Variants in DNAH9 observed in about 807,000 individuals in gnomAD.
DNAH9 encodes the protein DNAH9 variant protein.
DNAH9 carries 345 observed loss-of-function variants against 471.6 expected under a neutral mutation model. That is an observed-to-expected ratio of 0.73 (90% CI 0.67 to 0.80). The LOEUF is 0.80. Ranked by LOEUF, DNAH9 falls within the 30% of genes least tolerant of loss-of-function variation. DNAH9 has a pLI of 0.00. For missense variants in DNAH9, 5,407 were observed against 5,609.2 expected, an observed-to-expected ratio of 0.96 and a Z score of 1.15; for synonymous variants, 2,093 against 2,123.6, an observed-to-expected ratio of 0.99 and a Z score of 0.40.
chr17:11,883,851 A>G, intron 56 of DNAH9, 101 bp downstream of exon 56: 1 of 1,301,774 alleles, frequency 7.7e-7, no homozygotes, highest in Non-Finnish European at 1.0e-6. Context: ...GAAAAATGTC[A>G]AAGTAACACA....
chr17:11,880,343 C>T, intron 54 of DNAH9, 143 bp downstream of exon 54: 1 of 1,096,162 alleles, frequency 9.1e-7, no homozygotes, highest in Non-Finnish European at 1.3e-6. Flanking sequence ...ACCTTTCTTT[C>T]TTCCAGCAGA....
intron 38 of DNAH9, among the ~76,000 whole-genome samples, chr17:11,780,651 C>T (rs1968632355): frequency 6.6e-6 from 1 of 152,158 alleles, no homozygotes; most frequent in African/African-American, 2.4e-5. Flanking sequence ...TGTATCCAGC[C>T]AGTAAAGTTG....
chr17:11,678,730 A>T (rs2074087372), intron 17 of DNAH9, among the ~76,000 whole-genome samples: 1 of 151,710 alleles, frequency 6.6e-6, no homozygotes, highest in African/African-American at 2.4e-5. Context: ...CTTTATATTT[A>T]TTCTGCTTGG....
At chr17:11,649,737 T>G (rs574704163) in intron 12 of DNAH9, among the ~76,000 whole-genome samples, 1 of 152,224 alleles carries the variant, frequency 6.6e-6, no homozygotes, top group Non-Finnish European at 1.5e-5. Context: ...TCAATTTGCA[T>G]GTATTTGATT....
chr17:11,954,275 G>A (rs1975529994), intron 67 of DNAH9, among the ~76,000 whole-genome samples: 1 of 152,086 alleles, frequency 6.6e-6, no homozygotes, highest in South Asian at 2.1e-4. Context: ...GAAGAAATAA[G>A]GGCCACAGTT....
At chr17:11,786,699 T>C (rs1454321394) in intron 41 of DNAH9, among the ~76,000 whole-genome samples, 1 of 152,216 alleles carries the variant, frequency 6.6e-6, no homozygotes, top group Non-Finnish European at 1.5e-5. Flanking sequence ...TCAGCACTGC[T>C]GTGGAGGTAA....
chr17:11,789,837 T>C (rs939216569), intron 41 of DNAH9, among the ~76,000 whole-genome samples: 2 of 152,052 alleles, frequency 1.3e-5, no homozygotes, highest in Non-Finnish European at 1.5e-5. Flanking sequence ...TATATAAATT[T>C]ATCTCTAATC....
intron 2 of DNAH9, among the ~76,000 whole-genome samples, chr17:11,608,873 C>A (rs2072566111): frequency 6.6e-6 from 1 of 152,154 alleles, no homozygotes; most frequent in African/African-American, 2.4e-5. Flanking sequence ...ATGCCTCCTG[C>A]CCCTGAGTAG....
At chr17:11,690,519 C>T in intron 20 of DNAH9, 83 bp downstream of exon 20, 1 of 1,311,606 alleles carries the variant, frequency 7.6e-7, no homozygotes, top group Non-Finnish European at 1.0e-6. Flanking sequence ...ATTGTCTAGG[C>T]TCTTTCCTTT....
intron 49 of DNAH9, among the ~76,000 whole-genome samples, chr17:11,848,873 G>A (rs1971313603): frequency 6.6e-6 from 1 of 151,232 alleles, no homozygotes; most frequent in Non-Finnish European, 1.5e-5. Context: ...GTCTCGCTCT[G>A]TCGCCCAGGC....
intron 15 of DNAH9, among the ~76,000 whole-genome samples, chr17:11,666,284 C>A (rs1032546054): frequency 9.2e-5 from 14 of 152,144 alleles, no homozygotes; most frequent in African/African-American, 3.4e-4. Context: ...CCCAGCCATA[C>A]TTGGGTGCAG....
intron 42 of DNAH9, among the ~76,000 whole-genome samples, chr17:11,794,023 G>A (rs1365818167): frequency 6.8e-6 from 1 of 147,714 alleles, no homozygotes; most frequent in Non-Finnish European, 1.5e-5. Context: ...CTAATAACTG[G>A]AAATTTTGAG....
intron 22 of DNAH9, among the ~76,000 whole-genome samples, chr17:11,698,254 ATATATAATAAT>A (rs1318240292): frequency 9.1e-5 from 4 of 44,080 alleles, no homozygotes; most frequent in African/African-American, 2.6e-4. Context: ...TAATATATTA[ATATATAATAAT>A]TATATAATAT....
At chr17:11,837,712 C>T (rs1271254487) in intron 49 of DNAH9, among the ~76,000 whole-genome samples, 1 of 152,212 alleles carries the variant, frequency 6.6e-6, no homozygotes, top group Non-Finnish European at 1.5e-5. Flanking sequence ...TTTCCCATCA[C>T]ATTCAGAATA....
intron 8 of DNAH9, among the ~76,000 whole-genome samples, chr17:11,636,009 G>T (rs1049674439): frequency 6.0e-5 from 9 of 149,076 alleles, no homozygotes; most frequent in African/African-American, 2.0e-4. Context: ...TGTTTGTTTG[G>T]TTTTTTTTTG....
At chr17:11,643,867 C>G in intron 10 of DNAH9, among the ~76,000 whole-genome samples, 1 of 152,092 alleles carries the variant, frequency 6.6e-6, no homozygotes, top group East Asian at 1.9e-4. Flanking sequence ...AATTGTAGCA[C>G]TATACTAAGT....
At chr17:11,841,957 CCTT>C (rs1971050586) in intron 49 of DNAH9, among the ~76,000 whole-genome samples, 1 of 151,976 alleles carries the variant, frequency 6.6e-6, no homozygotes, top group South Asian at 2.1e-4. Flanking sequence ...AGGTAGTTTT[CCTT>C]CTTTTTATTT....
At chr17:11,828,392 G>A (rs1438577683) in intron 48 of DNAH9, among the ~76,000 whole-genome samples, 7 of 151,662 alleles carry the variant, frequency 4.6e-5, no homozygotes, top group East Asian at 1.9e-4. Context: ...AGAATTGCTC[G>A]AACCTGGGCG....
intron 38 of DNAH9, among the ~76,000 whole-genome samples, chr17:11,778,080 C>T (rs1222749924): frequency 6.6e-6 from 1 of 151,922 alleles, no homozygotes; most frequent in African/African-American, 2.4e-5. Context: ...GGAAAAATAG[C>T]ACCTGGGTAA....
Sources: gnomAD v4.1 joint callset for allele counts (sites outside exome capture counted in the v4.1 genomes callset) on GRCh38, gnomAD v4.1.1 for gene constraint, MANE v1.5 for transcripts, NCBI Gene and HGNC (gene_info 2026-07-23, HGNC 2026-07-21) for gene names.